Variants in DNAJA1 observed in about 807,000 individuals in gnomAD.
DNAJA1 encodes dnaJ homolog subfamily A member 1.
A neutral mutation model predicts 47.6 loss-of-function variants in DNAJA1; 26 were observed. That is an observed-to-expected ratio of 0.55 (90% CI 0.40 to 0.76). The LOEUF (loss-of-function observed/expected upper bound fraction) is 0.76, where lower values mean the gene tolerates loss of function less well. DNAJA1 is among the 30% of genes least tolerant of loss of function. The pLI is 0.00. For synonymous variants in DNAJA1, 165 were observed against 158.4 expected, an observed-to-expected ratio of 1.04 and a Z score of -0.31; for missense variants, 315 against 485.0, an observed-to-expected ratio of 0.65 and a Z score of 3.29.
chr9:33,026,690 A>G, intron 2 of DNAJA1, 74 bp downstream of exon 2: 2 of 1,565,086 alleles, frequency 1.3e-6, no homozygotes, highest in Non-Finnish European at 1.7e-6. Flanking sequence ...TATGGCCTGA[A>G]ATCGAGTATC....
intron 1 of DNAJA1, 79 bp downstream of exon 1, chr9:33,025,462 G>C (rs900117977): frequency 6.6e-6 from 1 of 152,594 alleles, no homozygotes; most frequent in East Asian, 1.9e-4. Flanking sequence ...GCCGCGGTCG[G>C]GAGGCAGTTG....
chr9:33,027,954 G>A (rs1331858315), intron 3 of DNAJA1, among the ~76,000 whole-genome samples: 5 of 150,784 alleles, frequency 3.3e-5, no homozygotes. Flanking sequence ...GAACCCGGGA[G>A]GTGGAGGTTG....
chr9:33,033,592 A>T (rs745541238), intron 5 of DNAJA1, among the ~76,000 whole-genome samples: 1 of 152,022 alleles, frequency 6.6e-6, no homozygotes, highest in Non-Finnish European at 1.5e-5. Flanking sequence ...CGGGAGGCTG[A>T]GGTGGGAGGA....
At position 33,025,310 on chromosome 9, in the gene DNAJA1, G is replaced by C. The variant is rs1174927887; in HGVS notation, c.-84G>C. On this transcript the variant is annotated 5_prime_UTR_variant, in exon 1 of 9. Transcript: ENST00000330899. Reference sequence around the variant, plus strand: ...AGAACGCTCGGTGAGAGGCGGAGGAGCGGTAACTACCCCGGCTGCGCACAG... The same window carrying C: ...AGAACGCTCGGTGAGAGGCGGAGGACCGGTAACTACCCCGGCTGCGCACAG... The C allele has an allele frequency of 1.3e-5, 2 of 152,602 alleles. No homozygotes were observed. The highest frequency in any genetic ancestry group is 3.9e-4 in the East Asian group (2 of 5,154). The allele number at this position is 152,602 out of a possible 1,614,324, so 9.5% of individuals were successfully genotyped here.
At position 33,030,668 on chromosome 9, in the gene DNAJA1, G is replaced by A; in HGVS notation, c.643+1G>A. The A allele has an allele frequency of 6.2e-7, 1 of 1,608,072 alleles. No homozygotes were observed. Among genetic ancestry groups the A allele is most frequent in the South Asian group, 1.1e-5 (1 of 90,028 alleles). Reference sequence around the variant, plus strand: ...ATTTTAGAAGTTCATATTGACAAAGGTGAGTTCTGAGTTACTTATTCTGAA... The same window carrying A: ...ATTTTAGAAGTTCATATTGACAAAGATGAGTTCTGAGTTACTTATTCTGAA... On this transcript the variant is annotated splice_donor_variant, in intron 5 of 8. Transcript: ENST00000330899. LOFTEE classifies it high-confidence loss of function.
At chr9:33,032,443 AAAT>A (rs1278699066) in intron 5 of DNAJA1, among the ~76,000 whole-genome samples, 2 of 152,246 alleles carry the variant, frequency 1.3e-5, no homozygotes, top group African/African-American at 2.4e-5. Flanking sequence ...GAATGACCTC[AAAT>A]AATGTCATGC....
At position 33,039,478 on chromosome 9, in the gene DNAJA1, T is replaced by C. The variant is rs1839085884; in HGVS notation, c.*575T>C. The C allele has an allele frequency of 6.7e-6, 1 of 150,288 alleles. No individual in the cohort carries two copies. The highest frequency in any genetic ancestry group is 6.7e-5 in the Admixed American group (1 of 14,976). 9.3% of individuals were successfully genotyped at this position (150,288 alleles called of 1,614,324 possible). ...TTTCTGTAGGAGGGGTTTATCATAA[T>C]ATGCTGCTTCTTGAAGGCTTGCACT... is the stretch of plus-strand genomic sequence containing the variant. On this transcript the variant is annotated 3_prime_UTR_variant, in exon 9 of 9. Coordinates refer to ENST00000330899, the MANE Select transcript of DNAJA1 (RefSeq NM_001539.4).
Position 33,026,843 on chromosome 9 carries a change from C to A in DNAJA1, c.163C>A (p.Leu55Ile). Residue 55 changes from leucine (L) to isoleucine (I), a missense_variant, in exon 3 of 9, where the codon CTC (leucine) becomes ATC (isoleucine). Coordinates refer to ENST00000330899, the MANE Select transcript of DNAJA1 (RefSeq NM_001539.4). The part of the protein sequence containing the change: ...FKQISQAYEV[L>I]SDAKKRELYD... ...ACAGATTTCTCAAGCTTACGAAGTTCTCTCTGATGCAAAGAAAAGGGAATT... is the reference window on the plus strand; with the variant it reads ...ACAGATTTCTCAAGCTTACGAAGTTATCTCTGATGCAAAGAAAAGGGAATT... The A allele has an allele frequency of 6.2e-7, 1 of 1,613,978 alleles. No individual in the cohort carries two copies. The highest frequency in any genetic ancestry group is 1.3e-5 in the African/African-American group (1 of 75,016).
intron 6 of DNAJA1, 149 bp downstream of exon 6, chr9:33,034,479 A>C: frequency 1.6e-6 from 1 of 623,328 alleles, no homozygotes. Context: ...AGATCATAAG[A>C]GGTTGAATAC....
chr9:33,038,633 C>T lies in DNAJA1; in HGVS notation c.976-52C>T, dbSNP rs1839070445. On this transcript the variant is annotated intron_variant, in intron 8 of 8. Transcript: ENST00000330899. ...CTGGGGAAAATGGGTCCATGATACT[C>T]TAAGGGAGCTAATGATGAAATCAGA... The T allele has an allele frequency of 2.6e-6, 4 of 1,546,182 alleles. No individual in the cohort carries two copies. In the Admixed American group the frequency reaches 7.0e-5, roughly 27 times the overall value.
At chr9:33,028,025 CAAA>C (rs144327341) in intron 3 of DNAJA1, among the ~76,000 whole-genome samples, 3,204 of 77,674 alleles carry the variant, frequency 0.041, 40 homozygotes, top group East Asian at 0.17. Context: ...ACTCTTGTCT[CAAA>C]AAAAAAAAAA....
intron 7 of DNAJA1, 148 bp from the exon 8 acceptor site, chr9:33,036,867 A>C: frequency 2.4e-6 from 2 of 830,180 alleles, no homozygotes; most frequent in African/African-American, 1.7e-5. Flanking sequence ...CAGCCCTTGG[A>C]AAACCCATAA....
intron 4 of DNAJA1, 48 bp downstream of exon 4, chr9:33,030,037 A>G (rs1187256660): frequency 2.0e-6 from 3 of 1,514,722 alleles, no homozygotes; most frequent in Middle Eastern, 1.7e-4. Flanking sequence ...AGCACCTTTA[A>G]TATGACACCT....
rs1838944835 is a variant in DNAJA1, at chr9:33,030,582, G to C, written c.558G>C (p.Arg186=). The C allele has an allele frequency of 1.9e-6, 3 of 1,614,150 alleles. No individual in the cohort carries two copies. In the South Asian group the frequency reaches 3.3e-5, roughly 18 times the overall value. The change falls in exon 5 of 9, where the codon CGG becomes CGC. Residue 186 remains arginine (R), a synonymous_variant. Transcript: ENST00000330899. ...TGGAGTGCCAGGGCCATGGGGAGCG[G>C]ATCAGTCCTAAAGATAGATGTAAAA... The part of the protein sequence containing the change: ...VCMECQGHGE[R]ISPKDRCKSC...
rs750440559 is a variant in DNAJA1 at position 33,034,205 on chromosome 9, T to C, written c.644-11T>C. 1.2e-5 allele frequency: 19 copies of C among 1,557,930 alleles called. No homozygotes were observed. In the African/African-American group the frequency reaches 2.2e-4, roughly 18 times the overall value. ...TTTAATAAAAGTACAAAATTAATGTTTTGTTTTTAGGCATGAAAGATGGCC... is the reference window on the plus strand; with the variant it reads ...TTTAATAAAAGTACAAAATTAATGTCTTGTTTTTAGGCATGAAAGATGGCC... On this transcript the variant is annotated splice_polypyrimidine_tract_variant and intron_variant, in intron 5 of 8. Transcript: ENST00000330899.
chr9:33,028,319 G>A (rs1047962920), intron 3 of DNAJA1, among the ~76,000 whole-genome samples: 1 of 152,156 alleles, frequency 6.6e-6, no homozygotes, highest in Non-Finnish European at 1.5e-5. Flanking sequence ...TCAGGAAAGT[G>A]GCCTATGGGC....
At position 33,039,169 on chromosome 9, in the gene DNAJA1, T is replaced by C; in HGVS notation, c.*266T>C. On this transcript the variant is annotated 3_prime_UTR_variant, in exon 9 of 9. Coordinates refer to ENST00000330899, the MANE Select transcript of DNAJA1 (RefSeq NM_001539.4). ...CCTAGCATTTCTAGGCCAAACCTTG[T>C]AATTGACTTCAGCTATGTACGTGGA... 2.3e-6 allele frequency: 1 copy of C among 438,368 alleles called. No homozygotes were observed. Among genetic ancestry groups the C allele is most frequent in the South Asian group, 2.4e-5 (1 of 41,532 alleles). The allele number at this position is 438,368 out of a possible 1,614,324, so 27.2% of individuals were successfully genotyped here.
intron 3 of DNAJA1, among the ~76,000 whole-genome samples, chr9:33,027,501 A>C (rs537810861): frequency 1.3e-5 from 2 of 152,238 alleles, no homozygotes; most frequent in African/African-American, 2.4e-5. Context: ...GGGCCTAAAA[A>C]ATAGCCAACA....
intron 3 of DNAJA1, among the ~76,000 whole-genome samples, chr9:33,027,866 A>C (rs1039426822): frequency 1.3e-5 from 2 of 151,682 alleles, no homozygotes; most frequent in Admixed American, 1.3e-4. Context: ...ACCCAAAAAA[A>C]TCCAAAAATT....
Sources: allele counts gnomAD v4.1 joint callset (sites outside exome capture counted in the v4.1 genomes callset), GRCh38; gene constraint gnomAD v4.1.1; transcripts MANE v1.5; gene names NCBI Gene and HGNC (gene_info 2026-07-23, HGNC 2026-07-21).